NDRG1: variants seen among roughly 807,000 people sequenced by gnomAD.
The protein encoded by NDRG1 is N-myc downstream regulated 1.
In NDRG1, 32 loss-of-function variants were observed where a neutral mutation model predicts 56.9. That is an observed-to-expected ratio of 0.56 (90% confidence interval 0.42 to 0.76). The LOEUF is 0.76. Ranked by LOEUF, NDRG1 falls within the 30% of genes least tolerant of loss-of-function variation. The pLI is 0.00. For missense variants in NDRG1, 507 were observed against 545.7 expected, an observed-to-expected ratio of 0.93 and a Z score of 0.71; for synonymous variants, 211 against 204.1, an observed-to-expected ratio of 1.03 and a Z score of -0.29.
intron 1 of NDRG1, chr8:133,296,367 C>G (rs1027043565): frequency 9.5e-6 from 4 of 419,922 alleles, no homozygotes; most frequent in Non-Finnish European, 2.0e-5. Context: ...TCACTTCTCC[C>G]ACGCCGCCGA....
intron 10 of NDRG1, among the ~76,000 whole-genome samples, chr8:133,250,180 C>T (rs1428658424): frequency 6.6e-6 from 1 of 152,138 alleles, no homozygotes; most frequent in South Asian, 2.1e-4. Context: ...TCTGAGTGTG[C>T]GACTGCGTCC....
rs1054663594 is a variant in NDRG1, at chr8:133,258,307, T to C, written c.450+59A>G. On this transcript the variant is annotated intron_variant, in intron 7 of 15. Coordinates refer to ENST00000323851, the MANE Select transcript of NDRG1 (RefSeq NM_006096.4). ...GGGTTTTTGATGCTTTTCCAATGTC[T>C]TCCTTCATCTTAAAATGTTATTTAA... 15 of 1,531,200 alleles carry C rather than the reference T, an allele frequency of 9.8e-6. No individual in the cohort carries two copies. The African/African-American group carries it at 1.9e-4, about 20-fold the overall frequency. The allele number at this position is 1,531,200 out of a possible 1,614,324, so 94.9% of individuals were successfully genotyped here.
chr8:133,290,931 C>T (rs1214327688), intron 1 of NDRG1, among the ~76,000 whole-genome samples: 1 of 152,186 alleles, frequency 6.6e-6, no homozygotes, highest in Non-Finnish European at 1.5e-5. Flanking sequence ...AAATGGGTAA[C>T]CTGAGGCTCA....
At chr8:133,248,002 G>A in intron 11 of NDRG1, 76 bp from the exon 12 acceptor site, 2 of 1,425,162 alleles carry the variant, frequency 1.4e-6, no homozygotes, top group Non-Finnish European at 2.0e-6. Context: ...CTGCCAGGCT[G>A]GGGCCTGCAT....
intron 3 of NDRG1, among the ~76,000 whole-genome samples, chr8:133,271,726 G>C (rs1249414818): frequency 4.6e-5 from 6 of 129,490 alleles, no homozygotes; most frequent in Non-Finnish European, 7.9e-5. Context: ...GTTGCAGTGA[G>C]CCGAGATCAC....
chr8:133,243,730 A>T (rs1399620522), intron 14 of NDRG1, among the ~76,000 whole-genome samples: 3 of 152,234 alleles, frequency 2.0e-5, no homozygotes, highest in Non-Finnish European at 4.4e-5. Flanking sequence ...GATGACAAAA[A>T]ACTCTATTTC....
chr8:133,250,156 T>C (rs1175939777), intron 10 of NDRG1, among the ~76,000 whole-genome samples: 1 of 152,184 alleles, frequency 6.6e-6, no homozygotes, highest in Non-Finnish European at 1.5e-5. Flanking sequence ...GGCACACATA[T>C]TTACTCTCAA....
intron 14 of NDRG1, among the ~76,000 whole-genome samples, chr8:133,242,941 C>A (rs906459568): frequency 5.3e-5 from 8 of 152,158 alleles, no homozygotes; most frequent in Non-Finnish European, 8.8e-5. Context: ...AAGTGAAATG[C>A]GTATGGAATG....
chr8:133,261,984 C>A, intron 5 of NDRG1, 63 bp downstream of exon 5: 1 of 1,531,504 alleles, frequency 6.5e-7, no homozygotes, highest in African/African-American at 1.4e-5. Context: ...AGCAAAGCAC[C>A]TGAACCCCTC....
At chr8:133,291,664 A>T (rs146060096) in intron 1 of NDRG1, among the ~76,000 whole-genome samples, 4 of 152,204 alleles carry the variant, frequency 2.6e-5, no homozygotes, top group Non-Finnish European at 5.9e-5. Flanking sequence ...AGAATCAAGG[A>T]AACAGTACAA....
At chr8:133,266,369 T>A (rs1856919704) in intron 3 of NDRG1, among the ~76,000 whole-genome samples, 1 of 152,198 alleles carries the variant, frequency 6.6e-6, no homozygotes, top group Admixed American at 6.5e-5. Flanking sequence ...CTGGCAGAAA[T>A]GCGACCCATA....
At chr8:133,285,388 G>C (rs1858051260) in intron 1 of NDRG1, among the ~76,000 whole-genome samples, 1 of 152,158 alleles carries the variant, frequency 6.6e-6, no homozygotes, top group Non-Finnish European at 1.5e-5. Flanking sequence ...CCAGTTCACA[G>C]ATCCAGACTT....
chr8:133,256,654 G>A, intron 8 of NDRG1, 123 bp downstream of exon 8: 1 of 867,604 alleles, frequency 1.2e-6, no homozygotes, highest in Non-Finnish European at 1.9e-6. Flanking sequence ...GTGGGCAGTA[G>A]AGGGTAGTGG....
At chr8:133,284,115 G>A (rs760925023) in intron 2 of NDRG1, 134 bp downstream of exon 2, 57 of 791,510 alleles carry the variant, frequency 7.2e-5, no homozygotes, top group Non-Finnish European at 9.9e-5. Context: ...TTTGTATGCC[G>A]TGTGTATGCT....
chr8:133,243,308 T>C (rs1855486923), intron 14 of NDRG1, among the ~76,000 whole-genome samples: 1 of 152,194 alleles, frequency 6.6e-6, no homozygotes, highest in African/African-American at 2.4e-5. Context: ...GTGTTCGAGA[T>C]GGTGGAGAGA....
At chr8:133,282,160 A>G (rs529090261) in intron 2 of NDRG1, among the ~76,000 whole-genome samples, 1 of 152,360 alleles carries the variant, frequency 6.6e-6, no homozygotes, top group Non-Finnish European at 1.5e-5. Flanking sequence ...TGTTCTAAGG[A>G]TTCCAGTAGG....
chr8:133,241,741 T>C (rs928744228), intron 15 of NDRG1: 2 of 544,130 alleles, frequency 3.7e-6, no homozygotes, highest in African/African-American at 3.8e-5. Context: ...TGTTGGTCAT[T>C]GTCTTGGTGC....
chr8:133,260,244 G>A (rs111948583), intron 5 of NDRG1, among the ~76,000 whole-genome samples: 2,968 of 152,224 alleles, frequency 0.019, 30 homozygotes, highest in Non-Finnish European at 0.023. Flanking sequence ...GGTGGACACC[G>A]GGGCCAGGAG....
chr8:133,261,993 T>G, intron 5 of NDRG1, 54 bp downstream of exon 5: 3 of 1,539,312 alleles, frequency 1.9e-6, no homozygotes, highest in African/African-American at 1.4e-5. Flanking sequence ...CCTGAACCCC[T>G]CCCCGACACC....
Sources: allele counts gnomAD v4.1 joint callset (sites outside exome capture counted in the v4.1 genomes callset), GRCh38; gene constraint gnomAD v4.1.1; transcripts MANE v1.5; gene names NCBI Gene and HGNC (gene_info 2026-07-23, HGNC 2026-07-21).